Variants in DIP2C observed in about 807,000 individuals in gnomAD.
DIP2C encodes the protein disco-interacting protein 2 homolog C.
A neutral mutation model predicts 192.4 loss-of-function variants in DIP2C; 33 were observed. That is an observed-to-expected ratio of 0.17 (90% confidence interval 0.13 to 0.23). DIP2C has a LOEUF of 0.23. DIP2C is among the 10% of genes least tolerant of loss of function. DIP2C has a pLI of 1.00. For synonymous variants in DIP2C, 979 were observed against 864.1 expected, an observed-to-expected ratio of 1.13 and a Z score of -2.33; for missense variants, 1,537 against 2,110.1, an observed-to-expected ratio of 0.73 and a Z score of 5.32.
chr10:434,745 A>AC (rs1292612833), intron 4 of DIP2C, among the ~76,000 whole-genome samples: 2 of 152,128 alleles, frequency 1.3e-5, no homozygotes, highest in African/African-American at 4.8e-5. Context: ...CAGGGTATAG[A>AC]CTTCTAGGTT....
intron 1 of DIP2C, among the ~76,000 whole-genome samples, chr10:595,148 A>G (rs972390719): frequency 2.0e-5 from 3 of 152,220 alleles, no homozygotes; most frequent in Admixed American, 2.0e-4. Context: ...GGCGAGGCGC[A>G]GGGCCCACAC....
intron 1 of DIP2C, among the ~76,000 whole-genome samples, chr10:659,340 AACACAT>A (rs1856611371): frequency 6.6e-6 from 1 of 152,234 alleles, no homozygotes; most frequent in Non-Finnish European, 1.5e-5. Flanking sequence ...ATACATGCAC[AACACAT>A]ATACATGCAA....
chr10:411,122 AG>A (rs1965156966), intron 8 of DIP2C, among the ~76,000 whole-genome samples: 2 of 152,364 alleles, frequency 1.3e-5, no homozygotes, highest in Admixed American at 6.5e-5. Context: ...GGCCACAGAA[AG>A]GTGGCCCAGC....
chr10:495,531 G>A (rs919489285), intron 1 of DIP2C, among the ~76,000 whole-genome samples: 1 of 151,584 alleles, frequency 6.6e-6, no homozygotes, highest in Non-Finnish European at 1.5e-5. Context: ...TGGTTTGTGT[G>A]GAAAAAATTC....
chr10:577,803 T>C (rs1204553238), intron 1 of DIP2C, among the ~76,000 whole-genome samples: 1 of 150,518 alleles, frequency 6.6e-6, no homozygotes, highest in Admixed American at 6.6e-5. Flanking sequence ...TGTTTTGTTT[T>C]GTTTCTTTTG....
rs73587899 is a variant in DIP2C at position 414,194 on chromosome 10, G to A, written c.860-84C>T. On this transcript the variant is annotated intron_variant, in intron 7 of 36. Coordinates refer to ENST00000280886, the MANE Select transcript of DIP2C (RefSeq NM_014974.3). ...TTTTTATTCTTTATAAAGAAGCCAA[G>A]AGATTTATACTTAAGCTGTACATTT... 861 of 1,440,034 alleles carry A rather than the reference G, an allele frequency of 6.0e-4. 3 individuals are homozygous for A. In the African/African-American group the frequency reaches 0.011, roughly 18 times the overall value. The allele number at this position is 1,440,034 out of a possible 1,614,324, so 89.2% of individuals were successfully genotyped here. A position where few individuals can be genotyped will look rare whatever the true frequency, so the allele number is the denominator to read the frequency against.
rs765937986 is a variant in DIP2C, at chr10:369,479, G to A, written c.2131+15C>T. On this transcript the variant is annotated intron_variant, in intron 18 of 36. Coordinates refer to ENST00000280886, the MANE Select transcript of DIP2C (RefSeq NM_014974.3). ...AATAACTGGTTAATCTGTGCAGCTC[G>A]CGACCCACACTCACCTCCAGGCATC... is the stretch of plus-strand genomic sequence containing the variant. 16 of 1,525,532 alleles carry A rather than the reference G, an allele frequency of 1.0e-5. No homozygotes were observed. The East Asian group carries it at 2.1e-4, about 20-fold the overall frequency. The allele number at this position is 1,525,532 out of a possible 1,614,324, so 94.5% of individuals were successfully genotyped here. A position where few individuals can be genotyped will look rare whatever the true frequency, so the allele number is the denominator to read the frequency against.
At chr10:578,462 G>A (rs765230264) in intron 1 of DIP2C, among the ~76,000 whole-genome samples, 4 of 152,090 alleles carry the variant, frequency 2.6e-5, no homozygotes, top group Non-Finnish European at 5.9e-5. Context: ...CTGTTGTTTC[G>A]TTTCTCTCAT....
chr10:657,912 A>ACTGGACCTGTCCCTGGACCTGCCC (rs1856485405), intron 1 of DIP2C, among the ~76,000 whole-genome samples: 1 of 71,692 alleles, frequency 1.4e-5, no homozygotes, highest in Non-Finnish European at 2.8e-5. Context: ...TGGACCTGCC[A>ACTGGACCTGTCCCTGGACCTGCCC]CTGGACCTGT....
intron 1 of DIP2C, among the ~76,000 whole-genome samples, chr10:581,823 A>G (rs1190578419): frequency 6.6e-6 from 1 of 152,160 alleles, no homozygotes; most frequent in Non-Finnish European, 1.5e-5. Context: ...AATCCTCTCC[A>G]ACTGAGGTCC....
intron 31 of DIP2C, among the ~76,000 whole-genome samples, chr10:315,481 G>C (rs189512004): frequency 6.6e-6 from 1 of 152,192 alleles, no homozygotes; most frequent in Non-Finnish European, 1.5e-5. Flanking sequence ...TCCTGCAGAA[G>C]AAACAGCTCT....
chr10:596,726 A>G (rs919880347), intron 1 of DIP2C, among the ~76,000 whole-genome samples: 1 of 152,082 alleles, frequency 6.6e-6, no homozygotes, highest in Non-Finnish European at 1.5e-5. Flanking sequence ...GGGAAGTGGA[A>G]CTGGCTTCAC....
chr10:343,888 G>A (rs1274208397), intron 28 of DIP2C, among the ~76,000 whole-genome samples: 2 of 152,198 alleles, frequency 1.3e-5, no homozygotes, highest in African/African-American at 4.8e-5. Context: ...CTGCCCTCAG[G>A]ATCCAGTGGG....
chr10:296,049 A>G (rs546435409), intron 32 of DIP2C, among the ~76,000 whole-genome samples: 1 of 152,130 alleles, frequency 6.6e-6, no homozygotes, highest in South Asian at 2.1e-4. Flanking sequence ...GATTGCAAAA[A>G]TTTTCTCCCA....
chr10:427,745 A>G (rs750827777), intron 4 of DIP2C, among the ~76,000 whole-genome samples: 7 of 152,250 alleles, frequency 4.6e-5, no homozygotes, highest in Non-Finnish European at 7.3e-5. Context: ...GGCAAAAATA[A>G]AAATACCAAA....
chr10:328,710 T>C (rs1957374093), intron 30 of DIP2C, among the ~76,000 whole-genome samples: 1 of 152,252 alleles, frequency 6.6e-6, no homozygotes, highest in Admixed American at 6.5e-5. Context: ...ATAAATGTAC[T>C]GTTCCGTTAT....
intron 3 of DIP2C, among the ~76,000 whole-genome samples, chr10:460,510 G>A (rs1969685304): frequency 6.6e-6 from 1 of 152,052 alleles, no homozygotes; most frequent in Non-Finnish European, 1.5e-5. Context: ...TCCAGTAGAG[G>A]TTAAATGGCT....
chr10:449,111 C>T (rs1968616120), intron 3 of DIP2C, among the ~76,000 whole-genome samples: 1 of 151,696 alleles, frequency 6.6e-6, no homozygotes, highest in African/African-American at 2.4e-5. Flanking sequence ...CAGCAGGACC[C>T]ACTCATCCCT....
At chr10:420,963 GCTA>G (rs1564691056) in intron 5 of DIP2C, among the ~76,000 whole-genome samples, 1 of 152,182 alleles carries the variant, frequency 6.6e-6, no homozygotes, top group East Asian at 1.9e-4. Context: ...GATCACACAC[GCTA>G]CTTTCCTGTT....
Sources: gnomAD v4.1 joint callset for allele counts (sites outside exome capture counted in the v4.1 genomes callset) on GRCh38, gnomAD v4.1.1 for gene constraint, MANE v1.5 for transcripts, NCBI Gene and HGNC (gene_info 2026-07-23, HGNC 2026-07-21) for gene names.